ZDHHC15: variants seen among roughly 807,000 people sequenced by gnomAD.
ZDHHC15 encodes palmitoyltransferase ZDHHC15.
ZDHHC15 carries 19 observed loss-of-function variants against 31.7 expected under a neutral mutation model. That is an observed-to-expected ratio of 0.60 (90% CI 0.42 to 0.88). The LOEUF (loss-of-function observed/expected upper bound fraction) is 0.88. ZDHHC15 is among the 40% of genes least tolerant of loss of function. ZDHHC15 has a pLI of 0.00. For synonymous variants in ZDHHC15, 103 were observed against 90.0 expected, an observed-to-expected ratio of 1.14 and a Z score of -0.82; for missense variants, 209 against 251.2, an observed-to-expected ratio of 0.83 and a Z score of 1.14.
chrX:75,419,076 T>C (rs1004320870), intron 9 of ZDHHC15, among the ~76,000 whole-genome samples: 4 of 111,294 alleles, frequency 3.6e-5, no homozygotes, highest in African/African-American at 1.3e-4. Context: ...AGGGCTAATA[T>C]CCAGAATCTA....
At chrX:75,456,694 A>C (rs1021911867) in intron 3 of ZDHHC15, among the ~76,000 whole-genome samples, 5 of 110,796 alleles carry the variant, frequency 4.5e-5, no homozygotes, top group African/African-American at 1.6e-4. Flanking sequence ...CAATCCCGTT[A>C]CTGGGTATAA....
chrX:75,419,831 C>T (rs756406745), intron 9 of ZDHHC15, among the ~76,000 whole-genome samples: 40 of 106,456 alleles, frequency 3.8e-4, no homozygotes, highest in Middle Eastern at 9.5e-3. Context: ...CCATCATTCT[C>T]GGCAAACTAT....
At chrX:75,406,163 G>A (rs1236347635) in intron 10 of ZDHHC15, among the ~76,000 whole-genome samples, 1 of 110,731 alleles carries the variant, frequency 9.0e-6, no homozygotes, top group Non-Finnish European at 1.9e-5. Flanking sequence ...AAATGGAAAT[G>A]GTAGTACAAC....
At chrX:75,433,466 T>G (rs760698060) in intron 4 of ZDHHC15, among the ~76,000 whole-genome samples, 2 of 109,690 alleles carry the variant, frequency 1.8e-5, no homozygotes, top group East Asian at 5.7e-4. Context: ...GAGTACACTA[T>G]ATCATTCTTA....
In ZDHHC15 at chrX:75,396,171, C is replaced by A. The variant is rs141060325; in HGVS notation, c.968-16973G>T. Among the ~76,000 whole-genome samples, 894 of 111,772 alleles carry A rather than the reference C, an allele frequency of 8.0e-3. 11 individuals are homozygous for A. Among genetic ancestry groups the A allele is most frequent in the African/African-American group, 0.027 (822 of 30,800 alleles). The stretch of plus-strand genomic sequence containing the variant: ...GGGATCACATCAAGTTAAAAACCTT[C>A]CATACAGCAAAGAAGACAATAAACA... On this transcript the variant is annotated intron_variant, in intron 10 of 11. Transcript: ENST00000373367.
At chrX:75,484,772 T>C (rs1314358577) in intron 2 of ZDHHC15, among the ~76,000 whole-genome samples, 1 of 112,056 alleles carries the variant, frequency 8.9e-6, no homozygotes, top group Non-Finnish European at 1.9e-5. Context: ...ACATATATAT[T>C]CTTATCAGCT....
At chrX:75,436,190 C>G in intron 4 of ZDHHC15, among the ~76,000 whole-genome samples, 1 of 111,636 alleles carries the variant, frequency 9.0e-6, no homozygotes, top group East Asian at 2.8e-4. Flanking sequence ...TGTAATATCT[C>G]CCTTTTTGTT....
rs371891392 is a variant in ZDHHC15, at chrX:75,418,553, G to A, written c.864-1363C>T. On this transcript the variant is annotated intron_variant, in intron 9 of 11. Coordinates refer to ENST00000373367, the MANE Select transcript of ZDHHC15 (RefSeq NM_144969.3). The stretch of plus-strand genomic sequence containing the variant: ...GCAGTTCTAAGAATGACCTACAACC[G>A]CAAATTAAACTATACTACAAGGCTA... Among the ~76,000 whole-genome samples the A allele has an allele frequency of 1.1e-4, 12 of 111,767 alleles. No individual in the cohort carries two copies. In the East Asian group the frequency reaches 1.4e-3, roughly 13 times the overall value.
At position 75,492,766 on chromosome X, in the gene ZDHHC15, G is replaced by T. The variant is rs776687783; in HGVS notation, c.163+13055C>A. The stretch of plus-strand genomic sequence containing the variant: ...AAGACACAACATACCAGAATCTCTG[G>T]GACACATTCAAAGCAGTGTGTAGAG... On this transcript the variant is annotated intron_variant, in intron 2 of 11. Transcript: ENST00000373367. Among the ~76,000 whole-genome samples, 3 of 111,473 alleles carry T rather than the reference G, an allele frequency of 2.7e-5. No homozygotes were observed. The East Asian group carries it at 8.4e-4, about 31-fold the overall frequency.
At chrX:75,495,235 T>C (rs372595594) in intron 2 of ZDHHC15, among the ~76,000 whole-genome samples, 8 of 111,778 alleles carry the variant, frequency 7.2e-5, no homozygotes, top group East Asian at 5.7e-4. Flanking sequence ...AATGAGATAC[T>C]ATCTCACACC....
chrX:75,430,056 T>C, intron 5 of ZDHHC15, 76 bp from the exon 6 acceptor site: 1 of 1,067,385 alleles, frequency 9.4e-7, no homozygotes, highest in South Asian at 2.0e-5. Flanking sequence ...AAACTCAAGG[T>C]TTCACCAGTA....
intron 11 of ZDHHC15, among the ~76,000 whole-genome samples, chrX:75,374,222 G>A (rs951786234): frequency 2.8e-5 from 3 of 108,883 alleles, no homozygotes; most frequent in African/African-American, 6.7e-5. Flanking sequence ...CACACACCGG[G>A]GCCTGTCGGG....
intron 10 of ZDHHC15, among the ~76,000 whole-genome samples, chrX:75,393,076 T>A (rs978978268): frequency 1.8e-5 from 2 of 111,160 alleles, no homozygotes; most frequent in Non-Finnish European, 3.8e-5. Context: ...GACGCCCTAA[T>A]GGATCTCCTG....
At chrX:75,514,980 A>T (rs5938087) in intron 1 of ZDHHC15, among the ~76,000 whole-genome samples, 2,366 of 112,220 alleles carry the variant, frequency 0.021, 37 homozygotes, top group South Asian at 0.13. Flanking sequence ...TCTAGAAGAA[A>T]TGGATGAATT....
At chrX:75,513,998 A>G (rs1045076649) in intron 1 of ZDHHC15, among the ~76,000 whole-genome samples, 1 of 112,869 alleles carries the variant, frequency 8.9e-6, no homozygotes, top group Non-Finnish European at 1.9e-5. Flanking sequence ...CAACACATAT[A>G]CAGAACTCTA....
At chrX:75,421,360 T>C (rs1431904094) in intron 9 of ZDHHC15, among the ~76,000 whole-genome samples, 2 of 32,636 alleles carry the variant, frequency 6.1e-5, no homozygotes, top group African/African-American at 1.1e-4. Context: ...TACTTTTGAT[T>C]GTATAATATT....
rs1403075707 is a variant in ZDHHC15 at position 75,444,660 on chromosome X, A to G, written c.379+6142T>C. 2.7e-5 allele frequency among the ~76,000 whole-genome samples: 2 copies of G among 75,199 alleles called. 1 individual carries two copies. Among genetic ancestry groups the G allele is most frequent in the Non-Finnish European group, 4.8e-5 (2 of 41,473 alleles). The allele number at this position is 75,199 out of a possible 115,157, so 65.3% of individuals were successfully genotyped here. A position where few individuals can be genotyped will look rare whatever the true frequency, so the allele number is the denominator to read the frequency against. On this transcript the variant is annotated intron_variant, in intron 4 of 11. Transcript: ENST00000373367. ...ACACTGTATATATATATATATATAT[A>G]TATATATATATATATATATATATAT...
intron 10 of ZDHHC15, among the ~76,000 whole-genome samples, chrX:75,404,969 A>T (rs2083395780): frequency 8.9e-6 from 1 of 112,215 alleles, no homozygotes; most frequent in African/African-American, 3.2e-5. Flanking sequence ...AAAGATGTGG[A>T]ATCAACCTAA....
At chrX:75,522,767 A>G in intron 1 of ZDHHC15, 122 bp downstream of exon 1, 1 of 956,554 alleles carries the variant, frequency 1.0e-6, no homozygotes, top group Non-Finnish European at 1.4e-6. Context: ...GGAACTCTCC[A>G]GGGAGAGAAA....
Sources: allele counts gnomAD v4.1 joint callset (sites outside exome capture counted in the v4.1 genomes callset), GRCh38; gene constraint gnomAD v4.1.1; transcripts MANE v1.5; gene names NCBI Gene and HGNC (gene_info 2026-07-23, HGNC 2026-07-21).